The following ZNF25 variants were observed in gnomAD, a reference collection of about 807,000 sequenced individuals.
ZNF25 encodes the protein zinc finger protein 25 (KOX 19).
ZNF25 carries 21 observed loss-of-function variants against 30.9 expected under a neutral mutation model. The ratio of observed to expected loss-of-function variants is 0.68; its 90% CI spans 0.48 to 0.98. ZNF25 has a LOEUF of 0.98. ZNF25 is among the 50% of genes least tolerant of loss of function. The pLI is 0.00. For missense variants in ZNF25, 501 were observed against 529.9 expected (o/e 0.95, Z 0.54); for synonymous variants, 169 against 181.3 (o/e 0.93, Z 0.55).
At chr10:37,975,142 G>A (rs552830035) in intron 1 of ZNF25, among the ~76,000 whole-genome samples, 1 of 152,270 alleles carries the variant, frequency 6.6e-6, no homozygotes, top group East Asian at 1.9e-4. Context: ...AGAGAGGTTG[G>A]TTAATGGGTA....
At chr10:37,960,484 C>T (rs866108267) in intron 2 of ZNF25, among the ~76,000 whole-genome samples, 7 of 147,866 alleles carry the variant, frequency 4.7e-5, no homozygotes, top group Non-Finnish European at 4.5e-5. Flanking sequence ...ATTAGCCGGG[C>T]GTGGTGATGG....
rs1463460957 is a variant in ZNF25, at chr10:37,971,689, G to A, written c.15+19C>T. On this transcript the variant is annotated intron_variant, in intron 2 of 5. Transcript: ENST00000302609. ...CACACACACAGTGAAACAAAGTTAGGGCTAAGTAAATGACTCACCTGGAAC... is the reference window on the plus strand; with the variant it reads ...CACACACACAGTGAAACAAAGTTAGAGCTAAGTAAATGACTCACCTGGAAC... 2 of 1,607,306 alleles carry A rather than the reference G, an allele frequency of 1.2e-6. No individual in the cohort carries two copies. The highest frequency in any genetic ancestry group is 1.7e-6 in the Non-Finnish European group (2 of 1,178,630).
chr10:37,960,353 G>A (rs1308635923), intron 2 of ZNF25, among the ~76,000 whole-genome samples: 2 of 151,694 alleles, frequency 1.3e-5, no homozygotes, highest in African/African-American at 2.4e-5. Flanking sequence ...GGTGGCTCAC[G>A]CCTGTAATCC....
At chr10:37,956,969 G>A in intron 4 of ZNF25, 51 bp downstream of exon 4, 2 of 1,247,844 alleles carry the variant, frequency 1.6e-6, no homozygotes, top group East Asian at 2.4e-5. Context: ...CAGAAGGCAA[G>A]AGGCACCAAC....
intron 1 of ZNF25, 66 bp from the exon 2 acceptor site, chr10:37,971,873 C>T: frequency 9.7e-7 from 1 of 1,028,846 alleles, no homozygotes; most frequent in African/African-American, 1.6e-5. Flanking sequence ...CCCTTTGACC[C>T]ATTAGAAAGC....
At chr10:37,966,277 G>A (rs1303760108) in intron 2 of ZNF25, among the ~76,000 whole-genome samples, 2 of 151,998 alleles carry the variant, frequency 1.3e-5, no homozygotes, top group African/African-American at 4.8e-5. Flanking sequence ...AGCCAGGCAT[G>A]GTGGCATGCA....
rs986007947 is a variant in ZNF25 at position 37,951,864 on chromosome 10, CT to C, written c.*262del. On this transcript the variant is annotated 3_prime_UTR_variant, in exon 6 of 6. Transcript: ENST00000302609. The stretch of plus-strand genomic sequence containing the variant: ...ATGTTGCAAAACAAAAGTATGACTT[CT>C]GAAAGGTTTCCTTCCTGTTTTACAA... 2.8e-6 allele frequency: 1 copy of C among 360,984 alleles called. No individual in the cohort carries two copies. The highest frequency in any genetic ancestry group is 4.3e-5 in the Admixed American group (1 of 23,256). 22.4% of individuals were successfully genotyped at this position (360,984 alleles called of 1,614,324 possible). A position where few individuals can be genotyped will look rare whatever the true frequency, so the allele number is the denominator to read the frequency against.
At chr10:37,958,054 C>A (rs942896003) in intron 2 of ZNF25, among the ~76,000 whole-genome samples, 1 of 152,102 alleles carries the variant, frequency 6.6e-6, no homozygotes, top group African/African-American at 2.4e-5. Context: ...GATGTTTGCA[C>A]GATGAAGTCA....
At chr10:37,972,547 TA>T (rs1037698671) in intron 1 of ZNF25, among the ~76,000 whole-genome samples, 56 of 152,198 alleles carry the variant, frequency 3.7e-4, no homozygotes, top group Non-Finnish European at 1.3e-4. Context: ...AGGTAAAATT[TA>T]ATTAGGCCCT....
intron 4 of ZNF25, 26 bp from the exon 5 acceptor site, chr10:37,953,784 C>A (rs552490158): frequency 1.3e-6 from 2 of 1,582,982 alleles, no homozygotes; most frequent in East Asian, 4.5e-5. Flanking sequence ...AAATGTAATA[C>A]TTTATAAATA....
At chr10:37,975,949 C>T (rs918666834) in intron 1 of ZNF25, among the ~76,000 whole-genome samples, 1 of 152,160 alleles carries the variant, frequency 6.6e-6, no homozygotes, top group African/African-American at 2.4e-5. Context: ...ACGGATTTCT[C>T]TCTCTGAATC....
At chr10:37,956,915 C>CAAAAAAA in intron 4 of ZNF25, 105 bp downstream of exon 4, 5 of 516,416 alleles carry the variant, frequency 9.7e-6, no homozygotes, top group Admixed American at 3.7e-5. Flanking sequence ...AACTCTGTTT[C>CAAAAAAA]AAAAAAAAAA....
intron 2 of ZNF25, 121 bp from the exon 3 acceptor site, chr10:37,957,667 T>C: frequency 8.9e-7 from 1 of 1,129,676 alleles, no homozygotes; most frequent in East Asian, 2.5e-5. Context: ...AGTTAGGATA[T>C]TTGCCATGCT....
chr10:37,965,781 G>C (rs2063147093), intron 2 of ZNF25, among the ~76,000 whole-genome samples: 1 of 152,102 alleles, frequency 6.6e-6, no homozygotes, highest in South Asian at 2.1e-4. Flanking sequence ...TCCTCTGTTT[G>C]CTTCCTATAG....
intron 2 of ZNF25, 138 bp from the exon 3 acceptor site, chr10:37,957,684 T>C (rs2062618776): frequency 1.1e-6 from 1 of 892,634 alleles, no homozygotes; most frequent in African/African-American, 1.7e-5. Context: ...TGCTGTACCC[T>C]GCTTTATTCA....
intron 2 of ZNF25, among the ~76,000 whole-genome samples, chr10:37,963,989 CAAAT>C (rs1050700834): frequency 2.0e-5 from 3 of 151,920 alleles, no homozygotes; most frequent in Admixed American, 6.6e-5. Context: ...AATAAATAAG[CAAAT>C]AAATAAAGAG....
chr10:37,953,073 T>G lies in ZNF25; in HGVS notation c.425A>C (p.Lys142Thr). The stretch of plus-strand genomic sequence containing the variant: ...TTTATCACAGTCATAGGATTTGCCC[T>G]TTGAGTGAGTATGCTGATGTACTAT... ...ALIVHQHTHS[K>T]GKSYDCDKCG... is the part of the protein sequence containing the mutation. The change falls in exon 6 of 6, where the codon AAG (lysine) becomes ACG (threonine). Residue 142 changes from lysine (K) to threonine (T), a missense_variant. Lys to Thr is a moderately conservative substitution (Grantham distance 78, BLOSUM62 -1). Coordinates refer to ENST00000302609, the MANE Select transcript of ZNF25 (RefSeq NM_145011.4). The G allele has an allele frequency of 6.2e-7, 1 of 1,613,868 alleles. No homozygotes were observed. Among genetic ancestry groups the G allele is most frequent in the Non-Finnish European group, 8.5e-7 (1 of 1,179,950 alleles).
chr10:37,973,554 G>C (rs1309631520), intron 1 of ZNF25, among the ~76,000 whole-genome samples: 2 of 150,080 alleles, frequency 1.3e-5, no homozygotes, highest in Non-Finnish European at 2.9e-5. Context: ...GGGAGACAGA[G>C]GTTGCAGTGA....
intron 2 of ZNF25, among the ~76,000 whole-genome samples, chr10:37,967,514 G>A (rs1432596002): frequency 6.6e-6 from 1 of 151,666 alleles, no homozygotes; most frequent in African/African-American, 2.4e-5. Context: ...AGGCTCAGGT[G>A]ATGCCCCCAC....
Sources: allele counts gnomAD v4.1 joint callset (sites outside exome capture counted in the v4.1 genomes callset), GRCh38; gene constraint gnomAD v4.1.1; transcripts MANE v1.5; gene names NCBI Gene and HGNC (gene_info 2026-07-23, HGNC 2026-07-21).